DISC1: variants seen among roughly 807,000 people sequenced by gnomAD.
The protein encoded by DISC1 is DISC1 scaffold protein.
In DISC1, 57 loss-of-function variants were observed where a neutral mutation model predicts 84.5. The observed-to-expected ratio is 0.67, with a 90% CI of 0.55 to 0.84. DISC1 has a LOEUF of 0.84. DISC1 is among the 40% of genes least tolerant of loss of function. DISC1 has a pLI of 0.00. For missense variants in DISC1, 1,000 were observed against 1,057.8 expected, an observed-to-expected ratio of 0.95 and a Z score of 0.76; for synonymous variants, 411 against 415.2, an observed-to-expected ratio of 0.99 and a Z score of 0.12.
intron 9 of DISC1, among the ~76,000 whole-genome samples, chr1:231,861,475 T>C (rs2084645175): frequency 7.2e-6 from 1 of 139,386 alleles, no homozygotes; most frequent in African/African-American, 2.6e-5. Flanking sequence ...TTTTTTTTTT[T>C]TTGGTTGTTG....
intron 9 of DISC1, among the ~76,000 whole-genome samples, chr1:231,825,225 CACTT>C (rs1240435305): frequency 6.6e-6 from 1 of 152,186 alleles, no homozygotes; most frequent in Non-Finnish European, 1.5e-5. Context: ...ATACGTAAGT[CACTT>C]ACCCCCTGGG....
chr1:231,942,821 A>G (rs2126135966), intron 9 of DISC1, among the ~76,000 whole-genome samples: 1 of 152,356 alleles, frequency 6.6e-6, no homozygotes, highest in African/African-American at 2.4e-5. Context: ...AGCACCGGGC[A>G]TTGCCTCCTT....
At chr1:231,874,842 C>T (rs1283112775) in intron 9 of DISC1, among the ~76,000 whole-genome samples, 22 of 146,832 alleles carry the variant, frequency 1.5e-4, no homozygotes, top group East Asian at 1.3e-3. Context: ...ACTGGAGAGG[C>T]GGAGCTTGCA....
chr1:231,767,203 T>C lies in DISC1; in HGVS notation c.1332T>C (p.Ala444=), dbSNP rs1232038281. 1 of 1,614,090 alleles carries C rather than the reference T, an allele frequency of 6.2e-7. No individual in the cohort carries two copies. Among genetic ancestry groups the C allele is most frequent in the Non-Finnish European group, 8.5e-7 (1 of 1,180,032 alleles). ...RMEPRLLEPT[A]QDSLHVSITR... The stretch of plus-strand genomic sequence containing the variant: ...AGCCGAGGCTGTTGGAACCCACTGC[T>C]CAGGACAGCTTGCACGTGTCCATCA... The change falls in exon 5 of 13, where the codon GCT becomes GCC. Residue 444 remains alanine, a synonymous_variant. Coordinates refer to ENST00000439617, the MANE Select transcript of DISC1 (RefSeq NM_018662.3).
chr1:232,011,542 T>A (rs2103005174), intron 11 of DISC1, among the ~76,000 whole-genome samples: 1 of 152,318 alleles, frequency 6.6e-6, no homozygotes, highest in South Asian at 2.1e-4. Flanking sequence ...AGACAATGTT[T>A]TCTGAGAACG....
chr1:231,771,026 C>T lies in DISC1; in HGVS notation c.1590C>T (p.Ala530=), dbSNP rs767423842. ...SKALQDTLAS[A]GQIPFHAEPP... is the part of the protein sequence containing the mutation. ...CCTTGCAGGACACCCTGGCCTCAGC[C>T]GGTCAGATTCCCTTCCATGCAGAGC... The change falls in exon 6 of 13, where the codon GCC becomes GCT. Residue 530 remains alanine (A), a synonymous_variant. Coordinates refer to ENST00000439617, the MANE Select transcript of DISC1 (RefSeq NM_018662.3). The T allele has an allele frequency of 4.0e-5, 65 of 1,610,774 alleles. No homozygotes were observed. In the East Asian group the frequency reaches 9.2e-4, roughly 23 times the overall value.
intron 9 of DISC1, among the ~76,000 whole-genome samples, chr1:231,838,087 T>C (rs2082753735): frequency 6.6e-6 from 1 of 152,238 alleles, no homozygotes. Context: ...CCATGGTCTC[T>C]ACAGTTTTGA....
intron 8 of DISC1, among the ~76,000 whole-genome samples, chr1:231,804,125 T>A (rs1055898881): frequency 3.3e-5 from 5 of 152,092 alleles, no homozygotes; most frequent in African/African-American, 1.2e-4. Context: ...AAGAATTTGG[T>A]GGGCATATTT....
intron 10 of DISC1, among the ~76,000 whole-genome samples, chr1:231,960,972 T>C (rs760210073): frequency 6.6e-6 from 1 of 152,218 alleles, no homozygotes; most frequent in Non-Finnish European, 1.5e-5. Context: ...TGGTTTATTA[T>C]AAAGGAGGTT....
chr1:231,830,697 G>C (rs1387226819), intron 9 of DISC1, among the ~76,000 whole-genome samples: 1 of 152,214 alleles, frequency 6.6e-6, no homozygotes, highest in African/African-American at 2.4e-5. Flanking sequence ...TCTGGAATGA[G>C]ACTGGGGCCT....
chr1:231,995,305 C>A (rs1665768809), intron 10 of DISC1, among the ~76,000 whole-genome samples: 1 of 151,702 alleles, frequency 6.6e-6, no homozygotes, highest in Non-Finnish European at 1.5e-5. Flanking sequence ...TATAAAAAGA[C>A]CTGGTTATTT....
chr1:231,932,904 GGAGAGCGCC>G (rs1274065670), intron 9 of DISC1, among the ~76,000 whole-genome samples: 28 of 152,288 alleles, frequency 1.8e-4, no homozygotes, highest in African/African-American at 6.3e-4. Context: ...TCTCAACCCT[GGAGAGCGCC>G]AATTAGTTGT....
chr1:231,774,499 T>C, intron 6 of DISC1: 1 of 336,698 alleles, frequency 3.0e-6, no homozygotes, highest in Non-Finnish European at 5.9e-6. Flanking sequence ...ATCCTCATTA[T>C]CTGGGTGATT....
chr1:231,796,326 C>T (rs906071749), intron 7 of DISC1, among the ~76,000 whole-genome samples: 4 of 139,442 alleles, frequency 2.9e-5, no homozygotes, highest in African/African-American at 5.0e-5. Context: ...GGTCTGGGAA[C>T]GAGGGGTGGT....
rs2065381580 is a variant in DISC1 at position 231,694,257 on chromosome 1, G to A, written c.499G>A (p.Gly167Arg). 6 of 1,614,126 alleles carry A rather than the reference G, an allele frequency of 3.7e-6. No homozygotes were observed. In the South Asian group the frequency reaches 6.6e-5, roughly 18 times the overall value. ...CAGCTGGGAGGCAGCCTGCAGCGAT[G>A]GAGCAAGGCGTGTCCGGGCAGCAGG... ...DASWEAACSDGARRVRAAGSL... is the reference protein window; with the variant it reads ...DASWEAACSDRARRVRAAGSL... Residue 167 changes from glycine to arginine, a missense_variant, in exon 2 of 13, where the codon GGA becomes AGA. Gly to Arg is a moderately radical substitution (Grantham distance 125). Around this residue, in one of 3 missense-constraint regions of DISC1, gnomAD observed 292 missense variants for 280.2 expected, o/e 1.04. Transcript: ENST00000439617.
intron 5 of DISC1, 125 bp downstream of exon 5, chr1:231,767,394 C>A: frequency 7.3e-7 from 1 of 1,369,372 alleles, no homozygotes; most frequent in Non-Finnish European, 1.0e-6. Flanking sequence ...CCTTGAGCTC[C>A]TGGGTGATTC....
chr1:231,771,005 G>C lies in DISC1; in HGVS notation c.1569G>C (p.Leu523Phe). ...AGCTGCAGGAGGTCAGCAAGGCCTT[G>C]CAGGACACCCTGGCCTCAGCCGGTC... ...LGQLQEVSKA[L>F]QDTLASAGQI... The change falls in exon 6 of 13, where the codon TTG becomes TTC. Residue 523 changes from leucine (L) to phenylalanine (F), a missense_variant. Physicochemically the swap from Leu to Phe is conservative, Grantham distance 22. Around this residue, in one of 3 missense-constraint regions of DISC1, gnomAD observed 311 missense variants for 400.1 expected, o/e 0.78. Transcript: ENST00000439617. 4.3e-6 allele frequency: 7 copies of C among 1,612,994 alleles called. No homozygotes were observed. Among genetic ancestry groups the C allele is most frequent in the Non-Finnish European group, 5.9e-6 (7 of 1,179,482 alleles).
At chr1:231,649,618 C>T (rs1031717679) in intron 1 of DISC1, among the ~76,000 whole-genome samples, 2 of 152,054 alleles carry the variant, frequency 1.3e-5, no homozygotes, top group African/African-American at 4.8e-5. Flanking sequence ...TCCTTTTAAC[C>T]TTCTGTCTTG....
chr1:232,010,319 A>T (rs1004525098), intron 11 of DISC1, among the ~76,000 whole-genome samples: 1 of 152,154 alleles, frequency 6.6e-6, no homozygotes, highest in Non-Finnish European at 1.5e-5. Context: ...TCTGGGGTGG[A>T]GGGAAGTGCC....
Sources: gnomAD v4.1 joint callset for allele counts (sites outside exome capture counted in the v4.1 genomes callset) on GRCh38, gnomAD v4.1.1 for gene constraint, gnomAD v4.1.1 regional missense constraint, MANE v1.5 for transcripts, NCBI Gene and HGNC (gene_info 2026-07-23, HGNC 2026-07-21) for gene names.